Variants in ADAMTS17 observed in about 807,000 individuals in gnomAD.
The protein encoded by ADAMTS17 is A disintegrin and metalloproteinase with thrombospondin motifs 17.
Under a neutral mutation model 141.5 loss-of-function variants are expected in ADAMTS17, and 113 were observed. That is an observed-to-expected ratio of 0.80 (90% CI 0.69 to 0.93). The LOEUF (loss-of-function observed/expected upper bound fraction) is 0.93, where lower values mean the gene tolerates loss of function less well. Ranked by LOEUF, ADAMTS17 falls within the 40% of genes least tolerant of loss-of-function variation. The probability of loss-of-function intolerance (pLI) is 0.00; values close to 1 mark genes in which losing one functional copy is unlikely to be tolerated. For missense variants in ADAMTS17, 1,659 were observed against 1,517.9 expected (o/e 1.09, Z -1.54); for synonymous variants, 768 against 630.6 (o/e 1.22, Z -3.27).
Position 100,299,604 on chromosome 15 carries a change from C to T in ADAMTS17, c.617-18203G>A, listed in dbSNP as rs1056084973. On this transcript the variant is annotated intron_variant, in intron 3 of 21. Transcript: ENST00000268070. ...ACGTTTCAACCAGAGCAAGACAGGG[C>T]AAACAAAAGCCTGAAAAGAAATCGA... is the stretch of plus-strand genomic sequence containing the variant. 1.2e-4 allele frequency among the ~76,000 whole-genome samples: 18 copies of T among 151,990 alleles called. 1 individual carries two copies. In the East Asian group the frequency reaches 1.3e-3, roughly 11 times the overall value.
rs113635335 is a variant in ADAMTS17 at position 100,166,193 on chromosome 15, G to A, written c.1182-10873C>T. Among the ~76,000 whole-genome samples, 1,032 of 152,232 alleles carry A rather than the reference G, an allele frequency of 6.8e-3. 3 individuals are homozygous for A. The highest frequency in any genetic ancestry group is 9.1e-3 in the Non-Finnish European group (617 of 68,010). ...GTATTTCATATCTTTGGTTGAAACCGTGAATAAGATCTGCTTTTTATTCTA... is the reference window on the plus strand; with the variant it reads ...GTATTTCATATCTTTGGTTGAAACCATGAATAAGATCTGCTTTTTATTCTA... On this transcript the variant is annotated intron_variant, in intron 8 of 21. Coordinates refer to ENST00000268070, the MANE Select transcript of ADAMTS17 (RefSeq NM_139057.4).
At chr15:100,290,835 T>C (rs901446756) in intron 3 of ADAMTS17, among the ~76,000 whole-genome samples, 1 of 152,164 alleles carries the variant, frequency 6.6e-6, no homozygotes, top group African/African-American at 2.4e-5. Context: ...TCTCACCATA[T>C]ACAAAAATTA....
intron 3 of ADAMTS17, among the ~76,000 whole-genome samples, chr15:100,283,346 G>T (rs1304054533): frequency 1.3e-5 from 2 of 152,176 alleles, no homozygotes; most frequent in Non-Finnish European, 2.9e-5. Flanking sequence ...AGAGGCCGCT[G>T]GTGGAAAATC....
chr15:100,229,456 C>T (rs1163402175), intron 7 of ADAMTS17, among the ~76,000 whole-genome samples: 1 of 152,224 alleles, frequency 6.6e-6, no homozygotes, highest in African/African-American at 2.4e-5. Flanking sequence ...ACTCTTATTT[C>T]AGTGGCTTCT....
intron 3 of ADAMTS17, among the ~76,000 whole-genome samples, chr15:100,316,978 G>A (rs1395151604): frequency 1.3e-5 from 2 of 152,168 alleles, no homozygotes; most frequent in African/African-American, 2.4e-5. Flanking sequence ...GGCTCCACAC[G>A]GTCATACAGC....
At chr15:100,024,554 G>C (rs539991830) in intron 18 of ADAMTS17, among the ~76,000 whole-genome samples, 2 of 152,174 alleles carry the variant, frequency 1.3e-5, no homozygotes, top group African/African-American at 4.8e-5. Context: ...CCAGGGAGGA[G>C]TGCTTGGATC....
At chr15:100,185,020 G>A (rs548850574) in intron 8 of ADAMTS17, among the ~76,000 whole-genome samples, 27 of 152,242 alleles carry the variant, frequency 1.8e-4, no homozygotes, top group Admixed American at 2.6e-4. Context: ...GGCCAAGAGC[G>A]CCTGCCTCCT....
intron 2 of ADAMTS17, among the ~76,000 whole-genome samples, chr15:100,337,732 C>CA (rs2046249699): frequency 1.3e-5 from 2 of 152,250 alleles, no homozygotes; most frequent in South Asian, 4.1e-4. Context: ...AGGGGGCCTC[C>CA]AGCCCTCCCC....
intron 8 of ADAMTS17, among the ~76,000 whole-genome samples, chr15:100,157,106 A>G (rs2039472060): frequency 6.6e-6 from 1 of 152,240 alleles, no homozygotes; most frequent in Admixed American, 6.5e-5. Context: ...GATGCTTACA[A>G]ACCCATCAGA....
rs1431531875 is a variant in ADAMTS17 at position 99,973,551 on chromosome 15, A to T, written c.*851T>A. The T allele has an allele frequency of 6.6e-6, 1 of 152,380 alleles. No individual in the cohort carries two copies. The highest frequency in any genetic ancestry group is 1.5e-5 in the Non-Finnish European group (1 of 68,180). 9.4% of individuals were successfully genotyped at this position (152,380 alleles called of 1,614,324 possible). ...GGCGGGGCAGGTGCCCATCCGCCCC[A>T]GTGAAGCTGGCCCAAGCTTACCTTT... On this transcript the variant is annotated 3_prime_UTR_variant, in exon 22 of 22. Coordinates refer to ENST00000268070, the MANE Select transcript of ADAMTS17 (RefSeq NM_139057.4).
rs1051832947 is a variant in ADAMTS17 at position 99,971,565 on chromosome 15, C to G, written c.*2837G>C. ...CCGTTTTTTTTCCTTTCAAAACCAG[C>G]CCCAAAAAGTAAAACAAAAATTCCA... On this transcript the variant is annotated 3_prime_UTR_variant, in exon 22 of 22. Transcript: ENST00000268070. 2.6e-4 allele frequency: 39 copies of G among 152,074 alleles called. 2 individuals are homozygous for G. The allele number at this position is 152,074 out of a possible 1,614,324, so 9.4% of individuals were successfully genotyped here. A position where few individuals can be genotyped will look rare whatever the true frequency, so the allele number is the denominator to read the frequency against.
At chr15:100,137,824 A>T (rs1167482674) in intron 10 of ADAMTS17, among the ~76,000 whole-genome samples, 1 of 151,974 alleles carries the variant, frequency 6.6e-6, no homozygotes, top group African/African-American at 2.4e-5. Context: ...CACTACCAAC[A>T]TCCACCCTTT....
chr15:100,168,901 C>T (rs1163454064), intron 8 of ADAMTS17, among the ~76,000 whole-genome samples: 1 of 152,226 alleles, frequency 6.6e-6, no homozygotes, highest in African/African-American at 2.4e-5. Flanking sequence ...AGGACCCTCC[C>T]CTTGCCCCCC....
In ADAMTS17 at chr15:100,213,456, T is replaced by G. The variant is rs556351903; in HGVS notation, c.1076-14033A>C. ...TCAGGGTCTAAGACCAAAGAAGCAT[T>G]TACGGCTTCCTCCCCGTCCACAGCA... On this transcript the variant is annotated intron_variant, in intron 7 of 21. Coordinates refer to ENST00000268070, the MANE Select transcript of ADAMTS17 (RefSeq NM_139057.4). Among the ~76,000 whole-genome samples, 27 of 152,248 alleles carry G rather than the reference T, an allele frequency of 1.8e-4. 1 individual carries two copies. The East Asian group carries it at 5.2e-3, about 29-fold the overall frequency.
At chr15:100,075,962 G>A (rs562154873) in intron 15 of ADAMTS17, among the ~76,000 whole-genome samples, 7 of 152,078 alleles carry the variant, frequency 4.6e-5, no homozygotes, top group South Asian at 4.2e-4. Flanking sequence ...GCTAAGTCAC[G>A]TTTCATCTCT....
chr15:100,293,625 C>A (rs1409087691), intron 3 of ADAMTS17, among the ~76,000 whole-genome samples: 1 of 152,150 alleles, frequency 6.6e-6, no homozygotes, highest in Admixed American at 6.5e-5. Flanking sequence ...GACAGCCAAC[C>A]TCAAGGGGCC....
At chr15:100,215,818 T>G (rs2041952923) in intron 7 of ADAMTS17, among the ~76,000 whole-genome samples, 1 of 151,962 alleles carries the variant, frequency 6.6e-6, no homozygotes, top group African/African-American at 2.4e-5. Context: ...GCTGGCAGGA[T>G]GGCCAGCGAC....
chr15:100,206,996 G>A (rs4246304), intron 7 of ADAMTS17, among the ~76,000 whole-genome samples: 23,887 of 152,206 alleles, frequency 0.16, 2,189 homozygotes, highest in Non-Finnish European at 0.21. Context: ...GAGCAAATAC[G>A]TGCATTTTAA....
intron 15 of ADAMTS17, among the ~76,000 whole-genome samples, chr15:100,076,693 C>T (rs982341780): frequency 6.6e-6 from 1 of 152,126 alleles, no homozygotes; most frequent in Non-Finnish European, 1.5e-5. Flanking sequence ...TGTTCATTGT[C>T]ATTTTCCTTT....
Sources: allele counts gnomAD v4.1 joint callset (sites outside exome capture counted in the v4.1 genomes callset), GRCh38; gene constraint gnomAD v4.1.1; transcripts MANE v1.5; gene names NCBI Gene and HGNC (gene_info 2026-07-23, HGNC 2026-07-21).